The following ADAM2 variants were observed in gnomAD, a reference collection of about 807,000 sequenced individuals.
ADAM2 encodes the protein ADAM metallopeptidase domain 2, also known as disintegrin and metalloproteinase domain-containing protein 2.
ADAM2 carries 101 observed loss-of-function variants against 99.3 expected under a neutral mutation model. The observed-to-expected ratio is 1.02, with a 90% CI of 0.87 to 1.20. The LOEUF (loss-of-function observed/expected upper bound fraction) is 1.20. ADAM2 is among the 50% of genes most tolerant of loss of function. The pLI is 0.00. For missense variants in ADAM2, 948 were observed against 878.7 expected (o/e 1.08, Z -1.00); for synonymous variants, 323 against 287.6 (o/e 1.12, Z -1.25).
At chr8:39,805,413 A>G (rs1015408276) in intron 7 of ADAM2, among the ~76,000 whole-genome samples, 2 of 152,228 alleles carry the variant, frequency 1.3e-5, no homozygotes, top group African/African-American at 4.8e-5. Flanking sequence ...TGGAAAATGT[A>G]GTGAGACTCC....
At chr8:39,758,237 A>G (rs948109216) in intron 15 of ADAM2, among the ~76,000 whole-genome samples, 2 of 152,194 alleles carry the variant, frequency 1.3e-5, no homozygotes, top group Non-Finnish European at 2.9e-5. Context: ...ATGAGAAGAA[A>G]AAAAAAGAAA....
chr8:39,781,815 A>G (rs2129584934), intron 10 of ADAM2, among the ~76,000 whole-genome samples: 1 of 152,276 alleles, frequency 6.6e-6, no homozygotes, highest in Non-Finnish European at 1.5e-5. Flanking sequence ...ACCATTTTTG[A>G]TGTTTCACTA....
At chr8:39,766,725 T>C in intron 14 of ADAM2, 123 bp downstream of exon 14, 1 of 821,006 alleles carries the variant, frequency 1.2e-6, no homozygotes. Context: ...TCTCTTTCTA[T>C]AATTCTTTAG....
At chr8:39,780,962 C>A (rs1803200135) in intron 10 of ADAM2, among the ~76,000 whole-genome samples, 1 of 151,242 alleles carries the variant, frequency 6.6e-6, no homozygotes, top group Non-Finnish European at 1.5e-5. Context: ...CAATTATTGC[C>A]CTTTGGAATT....
intron 6 of ADAM2, among the ~76,000 whole-genome samples, chr8:39,820,489 G>A (rs947468576): frequency 1.3e-5 from 2 of 152,036 alleles, no homozygotes; most frequent in Non-Finnish European, 2.9e-5. Flanking sequence ...ATGAAGCTGG[G>A]GCTATAAAAC....
intron 16 of ADAM2, among the ~76,000 whole-genome samples, chr8:39,752,907 C>A (rs910622572): frequency 1.3e-5 from 2 of 152,114 alleles, no homozygotes; most frequent in African/African-American, 4.8e-5. Context: ...AACTGTGAGT[C>A]CATTAAATCT....
intron 15 of ADAM2, 52 bp from the exon 16 acceptor site, chr8:39,755,963 A>C: frequency 9.9e-7 from 1 of 1,010,916 alleles, no homozygotes; most frequent in African/African-American, 1.7e-5. Flanking sequence ...GAGAAGTACA[A>C]GAATATAATT....
At chr8:39,773,030 A>G (rs770767003) in intron 11 of ADAM2, among the ~76,000 whole-genome samples, 32 of 151,990 alleles carry the variant, frequency 2.1e-4, no homozygotes, top group Non-Finnish European at 4.0e-4. Flanking sequence ...ACAAAGAAAG[A>G]CAAAACTAAA....
intron 7 of ADAM2, among the ~76,000 whole-genome samples, chr8:39,801,542 G>A (rs1804211246): frequency 6.6e-6 from 1 of 152,152 alleles, no homozygotes; most frequent in African/African-American, 2.4e-5. Context: ...TTTGTTCCTT[G>A]GTGGAGAGGG....
rs1313614918 is a variant in ADAM2 at position 39,746,639 on chromosome 8, A to G, written c.2015-8T>C. 1 of 1,542,986 alleles carries G rather than the reference A, an allele frequency of 6.5e-7. No individual in the cohort carries two copies. Among genetic ancestry groups the G allele is most frequent in the Non-Finnish European group, 8.7e-7 (1 of 1,151,918 alleles). On this transcript the variant is annotated splice_region_variant and splice_polypyrimidine_tract_variant and intron_variant, in intron 18 of 20. Transcript: ENST00000265708. The stretch of plus-strand genomic sequence containing the variant: ...TCTCAATGTAGCGCCTTTCTAGAAG[A>G]AAAAAAAATCAAAGATTTGAAAGCA...
chr8:39,784,689 G>A (rs957499639), intron 10 of ADAM2, among the ~76,000 whole-genome samples: 1 of 152,146 alleles, frequency 6.6e-6, no homozygotes, highest in African/African-American at 2.4e-5. Context: ...ATTTCTTAGT[G>A]TGGCATGTGA....
intron 10 of ADAM2, among the ~76,000 whole-genome samples, chr8:39,780,841 T>G (rs1446015292): frequency 6.6e-6 from 1 of 152,170 alleles, no homozygotes; most frequent in Non-Finnish European, 1.5e-5. Flanking sequence ...CTCTTACCCT[T>G]TAGGGGTTAA....
At chr8:39,825,991 G>A (rs1398022952) in intron 3 of ADAM2, among the ~76,000 whole-genome samples, 3 of 152,068 alleles carry the variant, frequency 2.0e-5, no homozygotes, top group Non-Finnish European at 4.4e-5. Context: ...GGACATTTTA[G>A]CAATATTTAT....
intron 6 of ADAM2, among the ~76,000 whole-genome samples, chr8:39,811,457 T>G (rs1804691640): frequency 6.6e-6 from 1 of 152,144 alleles, no homozygotes; most frequent in Non-Finnish European, 1.5e-5. Flanking sequence ...TACCAAAGCC[T>G]GGGGCAGACA....
chr8:39,821,527 T>C, intron 5 of ADAM2, 59 bp downstream of exon 5: 1 of 1,295,710 alleles, frequency 7.7e-7, no homozygotes, highest in Non-Finnish European at 1.1e-6. Context: ...GTTAAAATGT[T>C]TAAAATAATT....
chr8:39,837,730 C>T (rs777978265), intron 1 of ADAM2, among the ~76,000 whole-genome samples: 1 of 152,040 alleles, frequency 6.6e-6, no homozygotes, highest in Non-Finnish European at 1.5e-5. Context: ...AGGAGTATTG[C>T]CCTGTAGGTA....
intron 4 of ADAM2, among the ~76,000 whole-genome samples, chr8:39,823,413 T>A (rs1226945808): frequency 6.6e-6 from 1 of 152,212 alleles, no homozygotes; most frequent in Non-Finnish European, 1.5e-5. Context: ...CCTGCAACCT[T>A]GGCAAACACA....
chr8:39,787,970 C>A lies in ADAM2; in HGVS notation c.809+115G>T, dbSNP rs1257968695. On this transcript the variant is annotated intron_variant, in intron 9 of 20. Transcript: ENST00000265708. ...CATGTTGTGAAAAATATTTACATGG[C>A]GTGTGTGAGAAAAAAATAGATTTTT... The A allele has an allele frequency of 8.6e-6, 5 of 583,354 alleles. No homozygotes were observed. In the South Asian group the frequency reaches 1.7e-4, roughly 20 times the overall value. The allele number at this position is 583,354 out of a possible 1,614,324, so 36.1% of individuals were successfully genotyped here.
chr8:39,787,526 T>G (rs1051880407), intron 9 of ADAM2, among the ~76,000 whole-genome samples: 2 of 142,860 alleles, frequency 1.4e-5, no homozygotes, highest in Non-Finnish European at 3.0e-5. Context: ...TGTTTAATCT[T>G]AAAAACTCTC....
Sources: gnomAD v4.1 joint callset for allele counts (sites outside exome capture counted in the v4.1 genomes callset) on GRCh38, gnomAD v4.1.1 for gene constraint, MANE v1.5 for transcripts, NCBI Gene and HGNC (gene_info 2026-07-23, HGNC 2026-07-21) for gene names.